Variants in KNL1 observed in about 807,000 individuals in gnomAD.
KNL1 encodes the protein outer kinetochore KNL1 complex subunit KNL1.
KNL1 carries 66 observed loss-of-function variants against 201.3 expected under a neutral mutation model. The ratio of observed to expected loss-of-function variants is 0.33; its 90% confidence interval spans 0.27 to 0.40. The LOEUF is 0.40. Ranked by LOEUF, KNL1 falls within the 10% of genes least tolerant of loss-of-function variation. The pLI, the probability that KNL1 is intolerant of heterozygous loss-of-function variation, is 1.00. For synonymous variants in KNL1, 895 were observed against 899.2 expected (o/e 1.00, Z 0.08); for missense variants, 2,815 against 2,690.5 (o/e 1.05, Z -1.02).
intron 25 of KNL1, among the ~76,000 whole-genome samples, chr15:40,659,894 ATGTGTGTGTGTGTGTG>A (rs776409302): frequency 6.8e-6 from 1 of 146,872 alleles, no homozygotes; most frequent in South Asian, 2.2e-4. Flanking sequence ...TGAAGAATTT[ATGTGTGTGTGTGTGTG>A]TGTGTGTGTG....
intron 14 of KNL1, 87 bp downstream of exon 14, chr15:40,641,114 G>A (rs905042461): frequency 1.2e-6 from 1 of 854,362 alleles, no homozygotes; most frequent in Non-Finnish European, 1.9e-6. Context: ...TTAGAATAAT[G>A]CTGGCATGGG....
intron 13 of KNL1, among the ~76,000 whole-genome samples, chr15:40,637,596 G>T (rs114024686): frequency 0.014 from 2,097 of 152,300 alleles, 50 homozygotes; most frequent in African/African-American, 0.048. Flanking sequence ...CTGACCTCAT[G>T]TAATGGGTTG....
At chr15:40,602,474 TC>T (rs1262598550) in intron 1 of KNL1, among the ~76,000 whole-genome samples, 1 of 131,602 alleles carries the variant, frequency 7.6e-6, no homozygotes. Context: ...GTAGTTTTTT[TC>T]CTTCCTTTTT....
chr15:40,647,489 AAAAT>A (rs1037761837), intron 17 of KNL1, among the ~76,000 whole-genome samples: 11 of 151,942 alleles, frequency 7.2e-5, no homozygotes, highest in Admixed American at 3.9e-4. Flanking sequence ...AAATAATAAT[AAAAT>A]AAATAAATAA....
intron 23 of KNL1, 35 bp downstream of exon 23, chr15:40,657,186 G>A: frequency 7.4e-7 from 1 of 1,356,268 alleles, no homozygotes; most frequent in Non-Finnish European, 1.0e-6. Flanking sequence ...AGGAAAATTT[G>A]TGATATCTTT....
intron 7 of KNL1, among the ~76,000 whole-genome samples, chr15:40,612,357 G>T (rs868735466): frequency 6.6e-6 from 1 of 150,562 alleles, no homozygotes. Flanking sequence ...CAGGTATGGT[G>T]GCACTGTGCC....
chr15:40,612,168 T>A (rs576249656), intron 7 of KNL1, among the ~76,000 whole-genome samples: 1 of 152,136 alleles, frequency 6.6e-6, no homozygotes, highest in South Asian at 2.1e-4. Flanking sequence ...ATACAAAAAT[T>A]AGCCAGGTGT....
chr15:40,658,705 G>A (rs1893814367), intron 24 of KNL1, among the ~76,000 whole-genome samples: 1 of 151,628 alleles, frequency 6.6e-6, no homozygotes, highest in Non-Finnish European at 1.5e-5. Flanking sequence ...TGAGGCAGGT[G>A]GATCACTTGA....
chr15:40,648,550 T>TTTCA (rs1595943783), intron 17 of KNL1, among the ~76,000 whole-genome samples: 2 of 152,236 alleles, frequency 1.3e-5, no homozygotes, highest in African/African-American at 4.8e-5. Context: ...AGCTCAATAC[T>TTTCA]TTCATTGTCT....
intron 8 of KNL1, among the ~76,000 whole-genome samples, chr15:40,617,882 CGTTT>C (rs1377708152): frequency 1.4e-5 from 2 of 141,640 alleles, no homozygotes; most frequent in African/African-American, 5.3e-5. Flanking sequence ...GAGGTGTGTT[CGTTT>C]GTTTGTTTTG....
intron 17 of KNL1, among the ~76,000 whole-genome samples, chr15:40,647,317 A>C (rs1197269986): frequency 6.6e-6 from 1 of 151,998 alleles, no homozygotes; most frequent in African/African-American, 2.4e-5. Context: ...TCTACTAAAA[A>C]TTTTAAAATT....
In KNL1 at chr15:40,649,549, C is replaced by T. The variant is rs551017894; in HGVS notation, c.6095-752C>T. On this transcript the variant is annotated intron_variant, in intron 17 of 25. Transcript: ENST00000399668. ...GCCTCAAGTGATCTGCCCATCTCAGCCTCCCAAAGTGCTAGGATTACAGGC... is the reference window on the plus strand; with the variant it reads ...GCCTCAAGTGATCTGCCCATCTCAGTCTCCCAAAGTGCTAGGATTACAGGC... Among the ~76,000 whole-genome samples, 8 of 151,978 alleles carry T rather than the reference C, an allele frequency of 5.3e-5. No individual in the cohort carries two copies. In the East Asian group the frequency reaches 1.6e-3, roughly 29 times the overall value.
In KNL1 at chr15:40,654,921, T is replaced by C; in HGVS notation, c.6428T>C (p.Phe2143Ser). The C allele has an allele frequency of 6.2e-7, 1 of 1,612,454 alleles. No individual in the cohort carries two copies. The highest frequency in any genetic ancestry group is 8.5e-7 in the Non-Finnish European group (1 of 1,179,302). Residue 2143 changes from phenylalanine (F) to serine (S), a missense_variant, in exon 22 of 26, where the codon TTC (phenylalanine) becomes TCC (serine). This residue lies in a region of KNL1 where 334 missense variants were observed against 362.6 expected (regional missense o/e 0.92). Transcript: ENST00000399668. ...TGGTTCTTTCTAGTTGGTTTCCCTTTCCTGGACAAGCGTTATAGGAAGATT... is the reference window on the plus strand; with the variant it reads ...TGGTTCTTTCTAGTTGGTTTCCCTTCCCTGGACAAGCGTTATAGGAAGATT... The part of the protein sequence containing the change: ...TFEESVVGFP[F>S]LDKRYRKIVD...
intron 8 of KNL1, among the ~76,000 whole-genome samples, chr15:40,618,479 A>T (rs897578385): frequency 6.6e-6 from 1 of 152,080 alleles, no homozygotes; most frequent in Non-Finnish European, 1.5e-5. Context: ...ACTCTTCTCC[A>T]TGGGACTTCT....
chr15:40,659,712 C>T (rs961675091), intron 25 of KNL1, among the ~76,000 whole-genome samples: 2 of 151,976 alleles, frequency 1.3e-5, no homozygotes, highest in Non-Finnish European at 2.9e-5. Flanking sequence ...GATCTCCTGA[C>T]CTCGTGGTCC....
rs1892496726 is a variant in KNL1, at chr15:40,620,838, G to C, written c.574G>C (p.Asp192His). The C allele has an allele frequency of 6.3e-7, 1 of 1,598,220 alleles. No homozygotes were observed. ...AGCTAATTTAAAGCTTCACACCGAG[G>C]ACTCAAGAATGAAAAAAGAAGTAAA... ...FLANLKLHTE[D>H]SRMKKEVNFS... The change falls in exon 10 of 26, where the codon GAC (aspartate) becomes CAC (histidine). Residue 192 changes from aspartate to histidine, a missense_variant. Around this residue, in one of 3 missense-constraint regions of KNL1, gnomAD observed 2,464 missense variants for 2,291.7 expected, o/e 1.08. Transcript: ENST00000399668.
In KNL1 at chr15:40,601,551, G is replaced by A. The variant is rs930894620; in HGVS notation, c.-17-1364G>A. Among the ~76,000 whole-genome samples, 4 of 152,038 alleles carry A rather than the reference G, an allele frequency of 2.6e-5. No homozygotes were observed. The South Asian group carries it at 6.2e-4, about 24-fold the overall frequency. ...TAGTGGTTTAAATTTATTAAAATGG[G>A]CCAGGCGGGGTGGCTCACGCCTGTA... On this transcript the variant is annotated intron_variant, in intron 1 of 25. Coordinates refer to ENST00000399668, the MANE Select transcript of KNL1 (RefSeq NM_144508.5).
At chr15:40,638,783 G>A (rs959624610) in intron 13 of KNL1, among the ~76,000 whole-genome samples, 4 of 151,404 alleles carry the variant, frequency 2.6e-5, no homozygotes, top group South Asian at 2.1e-4. Flanking sequence ...GTGAGCCACC[G>A]CGCTGGCTGC....
At chr15:40,617,437 A>G (rs2141715237) in intron 8 of KNL1, among the ~76,000 whole-genome samples, 1 of 152,328 alleles carries the variant, frequency 6.6e-6, no homozygotes, top group Middle Eastern at 3.4e-3. Context: ...TAACTGTGGC[A>G]TTAAGCCACA....
Sources: allele counts gnomAD v4.1 joint callset (sites outside exome capture counted in the v4.1 genomes callset), GRCh38; gene constraint gnomAD v4.1.1; regional missense constraint gnomAD v4.1.1; transcripts MANE v1.5; gene names NCBI Gene and HGNC (gene_info 2026-07-23, HGNC 2026-07-21).